Variants in GRID1 observed in about 807,000 individuals in gnomAD.
GRID1 encodes the protein glutamate receptor ionotropic, delta-1.
GRID1 carries 28 observed loss-of-function variants against 98.0 expected under a neutral mutation model. That is an observed-to-expected ratio of 0.29 (90% confidence interval 0.21 to 0.39). The LOEUF (loss-of-function observed/expected upper bound fraction) is 0.39. Among genes scored for constraint, GRID1 ranks in the 10% least tolerant of loss-of-function variants. GRID1 has a pLI of 1.00. For missense variants in GRID1, 1,111 were observed against 1,340.5 expected (o/e 0.83, Z 2.67); for synonymous variants, 553 against 538.5 (o/e 1.03, Z -0.37).
chr10:85,980,353 G>C (rs1409833533), intron 4 of GRID1, among the ~76,000 whole-genome samples: 1 of 152,270 alleles, frequency 6.6e-6, no homozygotes, highest in African/African-American at 2.4e-5. Context: ...GAAACAGTGG[G>C]ACTGTGATGC....
intron 4 of GRID1, among the ~76,000 whole-genome samples, chr10:85,959,739 A>G (rs1589314257): frequency 6.6e-6 from 1 of 152,146 alleles, no homozygotes; most frequent in South Asian, 2.1e-4. Context: ...TCTAATTTCT[A>G]TTACTGAGAA....
intron 4 of GRID1, among the ~76,000 whole-genome samples, chr10:86,065,789 AAGG>A (rs1245207590): frequency 6.6e-4 from 100 of 152,350 alleles, no homozygotes; most frequent in African/African-American, 2.2e-3. Context: ...TTGCAGCTCC[AAGG>A]AGAAGTGATA....
intron 13 of GRID1, 103 bp downstream of exon 13, chr10:85,647,099 G>A (rs569032979): frequency 2.0e-5 from 17 of 867,072 alleles, no homozygotes; most frequent in Non-Finnish European, 2.9e-5. Context: ...CAGGTAACAG[G>A]GCTGCTCAGA....
chr10:86,148,869 A>C (rs1845122496), intron 3 of GRID1, among the ~76,000 whole-genome samples: 1 of 152,188 alleles, frequency 6.6e-6, no homozygotes, highest in Admixed American at 6.5e-5. Flanking sequence ...GCCTGGGTTC[A>C]CTATCTGGGT....
intron 2 of GRID1, among the ~76,000 whole-genome samples, chr10:86,301,952 C>A (rs1199821388): frequency 6.6e-6 from 1 of 152,222 alleles, no homozygotes; most frequent in Non-Finnish European, 1.5e-5. Flanking sequence ...TATTTGCACC[C>A]CCAAAAATGG....
chr10:86,139,321 T>C (rs531884269), intron 3 of GRID1, among the ~76,000 whole-genome samples: 2 of 152,284 alleles, frequency 1.3e-5, no homozygotes, highest in Middle Eastern at 6.8e-3. Flanking sequence ...TTTCCCTATA[T>C]GGGCCCAATC....
At chr10:86,013,040 T>C (rs1012179649) in intron 4 of GRID1, among the ~76,000 whole-genome samples, 3 of 152,194 alleles carry the variant, frequency 2.0e-5, no homozygotes, top group Non-Finnish European at 4.4e-5. Context: ...GATCTACCCA[T>C]GGGTCAGAGT....
intron 4 of GRID1, among the ~76,000 whole-genome samples, chr10:85,980,757 G>A (rs61855983): frequency 0.051 from 7,704 of 152,270 alleles, 240 homozygotes; most frequent in Middle Eastern, 0.089. Context: ...GTAATGAATT[G>A]AGGCCCAAAC....
At chr10:86,101,410 T>C (rs778009920) in intron 4 of GRID1, among the ~76,000 whole-genome samples, 14 of 152,156 alleles carry the variant, frequency 9.2e-5, no homozygotes, top group Non-Finnish European at 1.2e-4. Flanking sequence ...CCCACAGCAA[T>C]TCCTTATGGC....
intron 4 of GRID1, among the ~76,000 whole-genome samples, chr10:86,107,536 G>T (rs1844409617): frequency 6.6e-6 from 1 of 152,178 alleles, no homozygotes; most frequent in Non-Finnish European, 1.5e-5. Flanking sequence ...CCCTGGCTAG[G>T]GCTCCACTCC....
chr10:86,315,226 C>T (rs928558763), intron 2 of GRID1, among the ~76,000 whole-genome samples: 1 of 152,276 alleles, frequency 6.6e-6, no homozygotes, highest in Admixed American at 6.5e-5. Context: ...GTGGAGACCC[C>T]ATAAAGCAAA....
rs545148360 is a variant in GRID1, at chr10:86,246,772, G to A, written c.236-40124C>T. 7.2e-5 allele frequency among the ~76,000 whole-genome samples: 11 copies of A among 152,256 alleles called. No homozygotes were observed. In the South Asian group the frequency reaches 2.3e-3, roughly 32 times the overall value. On this transcript the variant is annotated intron_variant, in intron 2 of 15. Coordinates refer to ENST00000327946, the MANE Select transcript of GRID1 (RefSeq NM_017551.3). ...TTATTCTAGGCCTGGTGTTCTCACA[G>A]CAGCCACCTCTCCAAAGCCAACCCC...
chr10:86,111,514 G>C (rs1844483590), intron 4 of GRID1, among the ~76,000 whole-genome samples: 1 of 152,208 alleles, frequency 6.6e-6, no homozygotes, highest in African/African-American at 2.4e-5. Flanking sequence ...AAAGATACCT[G>C]TATGTATCTC....
At chr10:85,624,683 A>G (rs1270513048) in intron 13 of GRID1, among the ~76,000 whole-genome samples, 3 of 152,246 alleles carry the variant, frequency 2.0e-5, no homozygotes, top group Non-Finnish European at 4.4e-5. Flanking sequence ...AAACTGTGAA[A>G]AAAATGTGCG....
chr10:85,736,191 G>A (rs1314381088), intron 8 of GRID1, among the ~76,000 whole-genome samples: 2 of 134,248 alleles, frequency 1.5e-5, no homozygotes, highest in African/African-American at 6.4e-5. Flanking sequence ...AAGGAAGGAG[G>A]GAAGGAAGGA....
At chr10:86,349,218 C>A (rs1297519125) in intron 2 of GRID1, among the ~76,000 whole-genome samples, 1 of 152,214 alleles carries the variant, frequency 6.6e-6, no homozygotes, top group Admixed American at 6.5e-5. Flanking sequence ...GTGGCCAGGA[C>A]CATGTCAGCC....
At chr10:86,264,455 G>A (rs1776169638) in intron 2 of GRID1, among the ~76,000 whole-genome samples, 1 of 152,174 alleles carries the variant, frequency 6.6e-6, no homozygotes, top group African/African-American at 2.4e-5. Context: ...CCTTGGATGT[G>A]GGCCCCCCTT....
At chr10:85,892,925 T>G (rs1433342864) in intron 5 of GRID1, among the ~76,000 whole-genome samples, 2 of 152,106 alleles carry the variant, frequency 1.3e-5, no homozygotes, top group Non-Finnish European at 2.9e-5. Context: ...TGAAGCCAAT[T>G]TTTGTATCTC....
chr10:85,656,824 G>T (rs1231316331), intron 12 of GRID1, among the ~76,000 whole-genome samples: 1 of 152,138 alleles, frequency 6.6e-6, no homozygotes, highest in Non-Finnish European at 1.5e-5. Flanking sequence ...GTCTCTCTAA[G>T]AATCTCCTTG....
Sources: gnomAD v4.1 joint callset for allele counts (sites outside exome capture counted in the v4.1 genomes callset) on GRCh38, gnomAD v4.1.1 for gene constraint, MANE v1.5 for transcripts, NCBI Gene and HGNC (gene_info 2026-07-23, HGNC 2026-07-21) for gene names.